Variants in PIP4K2A observed in about 807,000 individuals in gnomAD.
PIP4K2A encodes phosphatidylinositol-5-phosphate 4-kinase type 2 alpha.
A neutral mutation model predicts 42.9 loss-of-function variants in PIP4K2A; 14 were observed. That is an observed-to-expected ratio of 0.33 (90% CI 0.22 to 0.51). The LOEUF (loss-of-function observed/expected upper bound fraction) is 0.51. PIP4K2A is among the 20% of genes least tolerant of loss of function. The pLI is 0.97. For synonymous variants in PIP4K2A, 192 were observed against 192.2 expected, an observed-to-expected ratio of 1.00 and a Z score of 0.01; for missense variants, 434 against 519.8, an observed-to-expected ratio of 0.83 and a Z score of 1.61.
chr10:22,601,470 A>G (rs1837775589), intron 3 of PIP4K2A, among the ~76,000 whole-genome samples: 1 of 152,162 alleles, frequency 6.6e-6, no homozygotes, highest in African/African-American at 2.4e-5. Flanking sequence ...GTCCAATCAG[A>G]GAGGGGCCTC....
At chr10:22,654,448 A>C (rs1839055655) in intron 1 of PIP4K2A, among the ~76,000 whole-genome samples, 2 of 152,230 alleles carry the variant, frequency 1.3e-5, no homozygotes, top group African/African-American at 2.4e-5. Flanking sequence ...AAAGCTAAAA[A>C]TTGGAGAATC....
chr10:22,540,071 G>A lies in PIP4K2A; in HGVS notation c.1040C>T (p.Ser347Leu), dbSNP rs200696079. 4.5e-6 allele frequency: 7 copies of A among 1,557,534 alleles called. No homozygotes were observed. The highest frequency in any genetic ancestry group is 1.4e-5 in the African/African-American group (1 of 73,800). Reference protein sequence around the residue: ...DVYGIKCHENSPRKEVYFMAI... With the variant: ...DVYGIKCHENLPRKEVYFMAI... ...CATGAAGTACACCTCCTTCCTAGGC[G>A]AGTCTGCAGAGACAGGAGAGCAATG... The change falls in exon 9 of 10, where the codon TCG becomes TTG. Residue 347 changes from serine to leucine, a missense_variant. Ser to Leu is a moderately radical substitution (Grantham distance 145, BLOSUM62 -2). Around this residue, in one of 2 missense-constraint regions of PIP4K2A, gnomAD observed 395 missense variants for 444.5 expected, o/e 0.89. Transcript: ENST00000376573.
rs147939994 is a variant in PIP4K2A at position 22,592,176 on chromosome 10, C to T, written c.340-395G>A. Reference sequence around the variant, plus strand: ...TTTCCTTATATGACAGGTATCGTGCCAAGCATTTTGCACAGATTATTTCCC... The same window carrying T: ...TTTCCTTATATGACAGGTATCGTGCTAAGCATTTTGCACAGATTATTTCCC... On this transcript the variant is annotated intron_variant, in intron 3 of 9. Transcript: ENST00000376573. 2.5e-3 allele frequency among the ~76,000 whole-genome samples: 376 copies of T among 152,254 alleles called. 2 individuals carry two copies. The South Asian group carries it at 0.035, about 14-fold the overall frequency.
intron 1 of PIP4K2A, among the ~76,000 whole-genome samples, chr10:22,613,838 T>C (rs144208123): frequency 1.8e-4 from 27 of 152,286 alleles, no homozygotes; most frequent in Non-Finnish European, 1.0e-4. Context: ...GGAGGGTGTT[T>C]GCTGGCTGAG....
chr10:22,567,665 T>C (rs761814097), intron 6 of PIP4K2A, 186 bp downstream of exon 6: 1 of 753,018 alleles, frequency 1.3e-6, no homozygotes, highest in South Asian at 1.4e-5. Context: ...ATTCAACAAT[T>C]TGATGAAGAG....
chr10:22,650,168 C>T (rs377014761), intron 1 of PIP4K2A, among the ~76,000 whole-genome samples: 1 of 152,212 alleles, frequency 6.6e-6, no homozygotes. Context: ...AGGGACTTCC[C>T]AGGTGACCCA....
chr10:22,654,376 A>G (rs933108989), intron 1 of PIP4K2A, among the ~76,000 whole-genome samples: 5 of 152,194 alleles, frequency 3.3e-5, no homozygotes, highest in South Asian at 4.2e-4. Context: ...ATGTGTGGAG[A>G]AAAAAAAGAC....
At chr10:22,539,925 G>A (rs1055417223) in intron 9 of PIP4K2A, 46 bp downstream of exon 9, 1 of 1,011,732 alleles carries the variant, frequency 9.9e-7, no homozygotes, top group South Asian at 1.3e-5. Flanking sequence ...GAGAGAGAGA[G>A]AGAGAGGGAG....
chr10:22,585,790 TTCACTGTGTTGGC>T (rs1247744948), intron 4 of PIP4K2A, among the ~76,000 whole-genome samples: 1 of 152,098 alleles, frequency 6.6e-6, no homozygotes, highest in Non-Finnish European at 1.5e-5. Context: ...GAGACCGGAT[TTCACTGTGTTGGC>T]TAGGCTGGTC....
intron 1 of PIP4K2A, among the ~76,000 whole-genome samples, chr10:22,682,403 G>T (rs1199274393): frequency 1.3e-5 from 2 of 152,136 alleles, no homozygotes; most frequent in South Asian, 4.1e-4. Context: ...TTCTAGAAAA[G>T]GCCAGCAATC....
intron 1 of PIP4K2A, among the ~76,000 whole-genome samples, chr10:22,657,423 C>G (rs968610337): frequency 6.6e-6 from 1 of 152,190 alleles, no homozygotes; most frequent in Non-Finnish European, 1.5e-5. Context: ...TTTGTCTTTT[C>G]AAGGAACTTC....
chr10:22,540,175 G>C (rs1348860020), intron 8 of PIP4K2A, 101 bp from the exon 9 acceptor site: 2 of 749,098 alleles, frequency 2.7e-6, no homozygotes, highest in African/African-American at 1.7e-5. Context: ...CTGGAGGGAG[G>C]GGATTCAATG....
At chr10:22,660,506 C>G (rs1202854939) in intron 1 of PIP4K2A, among the ~76,000 whole-genome samples, 1 of 151,634 alleles carries the variant, frequency 6.6e-6, no homozygotes, top group African/African-American at 2.4e-5. Context: ...TTACTGAATC[C>G]TGAATTTTTT....
intron 1 of PIP4K2A, among the ~76,000 whole-genome samples, chr10:22,681,961 G>C (rs773651168): frequency 1.3e-5 from 2 of 151,944 alleles, no homozygotes; most frequent in Non-Finnish European, 2.9e-5. Context: ...GAATTTCATA[G>C]AATTTTCACA....
At chr10:22,542,158 C>G in intron 7 of PIP4K2A, 111 bp from the exon 8 acceptor site, 1 of 911,774 alleles carries the variant, frequency 1.1e-6, no homozygotes, top group Non-Finnish European at 1.7e-6. Flanking sequence ...GGTGGGGCAG[C>G]AGAGGCGCCG....
intron 1 of PIP4K2A, among the ~76,000 whole-genome samples, chr10:22,658,501 G>A (rs1282454923): frequency 1.3e-5 from 2 of 152,200 alleles, no homozygotes; most frequent in Non-Finnish European, 2.9e-5. Flanking sequence ...AGTAAAGCAG[G>A]AAGGATAATA....
intron 1 of PIP4K2A, among the ~76,000 whole-genome samples, chr10:22,656,855 G>C (rs1416380185): frequency 6.6e-6 from 1 of 151,388 alleles, no homozygotes; most frequent in Non-Finnish European, 1.5e-5. Flanking sequence ...AACTATATGA[G>C]ACTCTAGGTA....
At chr10:22,711,793 T>C (rs1287166895) in intron 1 of PIP4K2A, among the ~76,000 whole-genome samples, 1 of 152,210 alleles carries the variant, frequency 6.6e-6, no homozygotes, top group South Asian at 2.1e-4. Flanking sequence ...ATATCAGACA[T>C]TGTCACCTAA....
At chr10:22,708,454 C>A (rs1360870583) in intron 1 of PIP4K2A, among the ~76,000 whole-genome samples, 1 of 152,184 alleles carries the variant, frequency 6.6e-6, no homozygotes, top group African/African-American at 2.4e-5. Context: ...CCAATCACAC[C>A]TTTCCAGCAT....
Sources: gnomAD v4.1 joint callset for allele counts (sites outside exome capture counted in the v4.1 genomes callset) on GRCh38, gnomAD v4.1.1 for gene constraint, gnomAD v4.1.1 regional missense constraint, MANE v1.5 for transcripts, NCBI Gene and HGNC (gene_info 2026-07-23, HGNC 2026-07-21) for gene names.